RAD51B: variants seen among roughly 807,000 people sequenced by gnomAD.
RAD51B encodes RAD51 paralog B.
A neutral mutation model predicts 42.2 loss-of-function variants in RAD51B; 38 were observed. That is an observed-to-expected ratio of 0.90 (90% CI 0.70 to 1.18). The LOEUF (loss-of-function observed/expected upper bound fraction) is 1.18, where lower values mean the gene tolerates loss of function less well. Among genes scored for constraint, RAD51B ranks in the 50% most tolerant of loss-of-function variants. The pLI is 0.00. For synonymous variants in RAD51B, 154 were observed against 145.2 expected (o/e 1.06, Z -0.43); for missense variants, 373 against 400.7 (o/e 0.93, Z 0.59).
chr14:67,953,780 G>T (rs184447006), intron 7 of RAD51B, among the ~76,000 whole-genome samples: 12 of 152,240 alleles, frequency 7.9e-5, no homozygotes, highest in East Asian at 7.7e-4. Context: ...AGTAACTAGG[G>T]CACTGGTTGT....
At chr14:67,964,920 A>C (rs1332906640) in intron 7 of RAD51B, among the ~76,000 whole-genome samples, 1 of 152,130 alleles carries the variant, frequency 6.6e-6, no homozygotes, top group Non-Finnish European at 1.5e-5. Context: ...CTTGTCTCAT[A>C]TTTCCTTTCT....
At chr14:68,090,696 TTTATTATTA>T (rs544898659) in intron 7 of RAD51B, among the ~76,000 whole-genome samples, 2 of 147,034 alleles carry the variant, frequency 1.4e-5, no homozygotes, top group Non-Finnish European at 3.0e-5. Context: ...TATTTATTTA[TTTATTATTA>T]TTATTATTAT....
At position 68,342,106 on chromosome 14, in the gene RAD51B, CAT is replaced by C. The variant is rs759105667; in HGVS notation, c.853+50127_853+50128del. Among the ~76,000 whole-genome samples, 88 of 152,204 alleles carry C rather than the reference CAT, an allele frequency of 5.8e-4. 1 individual carries two copies. The highest frequency in any genetic ancestry group is 9.1e-4 in the Non-Finnish European group (62 of 68,042). ...ATTTGCTTACCCCTTGACTCTATCACATGTTTATCTTCCTTCTAGAGGCCTAT... is the reference window on the plus strand; with the variant it reads ...ATTTGCTTACCCCTTGACTCTATCACGTTTATCTTCCTTCTAGAGGCCTAT... On this transcript the variant is annotated intron_variant, in intron 8 of 10. Coordinates refer to ENST00000471583, the MANE Select transcript of RAD51B (RefSeq NM_133510.4).
intron 7 of RAD51B, among the ~76,000 whole-genome samples, chr14:68,041,555 T>C (rs930733266): frequency 1.2e-4 from 18 of 152,102 alleles, no homozygotes; most frequent in Non-Finnish European, 2.5e-4. Context: ...GGTCAACATT[T>C]ATACTCTCTT....
intron 8 of RAD51B, among the ~76,000 whole-genome samples, chr14:68,316,979 C>G (rs1442544336): frequency 6.6e-6 from 1 of 152,022 alleles, no homozygotes; most frequent in African/African-American, 2.4e-5. Flanking sequence ...AAATAATGAT[C>G]ATAATTGGAA....
intron 11 of RAD51B, among the ~76,000 whole-genome samples, chr14:68,664,851 C>T (rs1893001054): frequency 1.3e-5 from 2 of 152,140 alleles, no homozygotes; most frequent in South Asian, 4.1e-4. Flanking sequence ...GGATGTGACT[C>T]CTAATGGAAA....
At chr14:68,676,409 G>C (rs1893303548) in intron 11 of RAD51B, among the ~76,000 whole-genome samples, 1 of 152,222 alleles carries the variant, frequency 6.6e-6, no homozygotes. Flanking sequence ...AATGCAAGCT[G>C]ACCCACGGAG....
intron 9 of RAD51B, among the ~76,000 whole-genome samples, chr14:68,466,853 A>C (rs915940344): frequency 2.6e-5 from 4 of 152,234 alleles, no homozygotes; most frequent in Non-Finnish European, 4.4e-5. Context: ...AGGCTCTGCC[A>C]TAGGCTCCTA....
intron 7 of RAD51B, among the ~76,000 whole-genome samples, chr14:67,904,510 C>CTTTTT (rs3043929): frequency 1.7e-5 from 2 of 120,240 alleles, no homozygotes; most frequent in African/African-American, 3.3e-5. Context: ...GGAATGTTGA[C>CTTTTT]TTTTTTTTTT....
chr14:68,066,667 G>A (rs1273790468), intron 7 of RAD51B, among the ~76,000 whole-genome samples: 1 of 152,132 alleles, frequency 6.6e-6, no homozygotes, highest in Non-Finnish European at 1.5e-5. Context: ...TACACCTATA[G>A]TCTCAACTAC....
chr14:67,958,093 G>A (rs943565138), intron 7 of RAD51B, among the ~76,000 whole-genome samples: 6 of 152,186 alleles, frequency 3.9e-5, no homozygotes, highest in Non-Finnish European at 5.9e-5. Flanking sequence ...CAGCCGTCAC[G>A]TCTCTGGTCT....
At chr14:68,528,197 T>C (rs1353163894) in intron 10 of RAD51B, among the ~76,000 whole-genome samples, 1 of 152,218 alleles carries the variant, frequency 6.6e-6, no homozygotes, top group Non-Finnish European at 1.5e-5. Context: ...TAGCCCATCA[T>C]AACCTTGCTA....
intron 3 of RAD51B, among the ~76,000 whole-genome samples, chr14:67,828,251 CT>C (rs957654845): frequency 1.3e-5 from 2 of 150,312 alleles, no homozygotes; most frequent in African/African-American, 2.4e-5. Flanking sequence ...TGATGTTGAG[CT>C]TTTTTTTTCT....
Position 68,605,634 on chromosome 14 carries a change from A to G in RAD51B, c.1037-5372A>G, listed in dbSNP as rs187938463. The stretch of plus-strand genomic sequence containing the variant: ...GCACATGTGCTCTCTCTCTCTTCTC[A>G]TAAGGACAGTAGTCAGATTGGACGA... On this transcript the variant is annotated intron_variant, in intron 10 of 10. Coordinates refer to the RAD51B transcript ENST00000487861. Among the ~76,000 whole-genome samples, 518 of 152,296 alleles carry G rather than the reference A, an allele frequency of 3.4e-3. 1 individual carries two copies. Among genetic ancestry groups the G allele is most frequent in the Non-Finnish European group, 4.4e-3 (301 of 68,020 alleles).
chr14:68,421,524 C>G (rs1242134896), intron 9 of RAD51B, among the ~76,000 whole-genome samples: 1 of 152,056 alleles, frequency 6.6e-6, no homozygotes, highest in Admixed American at 6.5e-5. Flanking sequence ...TAATCATAAA[C>G]TTAACTCTGC....
At chr14:68,665,940 T>C (rs1438862770) in intron 11 of RAD51B, among the ~76,000 whole-genome samples, 2 of 152,156 alleles carry the variant, frequency 1.3e-5, no homozygotes, top group Non-Finnish European at 2.9e-5. Context: ...TTGGGCATAG[T>C]GATTGGTTTA....
chr14:67,887,448 A>G, intron 7 of RAD51B: 1 of 327,694 alleles, frequency 3.1e-6, no homozygotes, highest in Non-Finnish European at 5.6e-6. Context: ...TGTTTTTAAA[A>G]GTTCCTATAG....
intron 10 of RAD51B, among the ~76,000 whole-genome samples, chr14:68,570,194 T>A (rs537016894): frequency 6.6e-6 from 1 of 152,226 alleles, no homozygotes; most frequent in East Asian, 1.9e-4. Context: ...TGCCCTGAGC[T>A]CCTTGTCTTG....
At chr14:68,078,720 T>C (rs953214128) in intron 7 of RAD51B, among the ~76,000 whole-genome samples, 2 of 152,226 alleles carry the variant, frequency 1.3e-5, no homozygotes, top group Non-Finnish European at 2.9e-5. Flanking sequence ...CTGGACACGG[T>C]GGCTCATGCC....
Sources: allele counts gnomAD v4.1 joint callset (sites outside exome capture counted in the v4.1 genomes callset), GRCh38; gene constraint gnomAD v4.1.1; transcripts MANE v1.5; gene names NCBI Gene and HGNC (gene_info 2026-07-23, HGNC 2026-07-21).